ANKRD18A: variants seen among roughly 807,000 people sequenced by gnomAD.
ANKRD18A encodes the protein ankyrin repeat domain 18A.
Under a neutral mutation model 110.6 loss-of-function variants are expected in ANKRD18A, and 72 were observed. That is an observed-to-expected ratio of 0.65 (90% CI 0.54 to 0.79). ANKRD18A has a LOEUF of 0.79. Among genes scored for constraint, ANKRD18A ranks in the 30% least tolerant of loss-of-function variants. The probability of loss-of-function intolerance (pLI) is 0.00; values close to 1 mark genes in which losing one functional copy is unlikely to be tolerated. For missense variants in ANKRD18A, 934 were observed against 1,163.3 expected (o/e 0.80, Z 2.87); for synonymous variants, 305 against 410.3 (o/e 0.74, Z 3.10).
chr9:38,570,142 C>A (rs188623580), downstream of ANKRD18A, among the ~76,000 whole-genome samples: 1 of 152,092 alleles, frequency 6.6e-6, no homozygotes, highest in African/African-American at 2.4e-5. Context: ...GCCCCACTGA[C>A]CAAGTCCCCA....
chr9:38,597,332 T>C (rs1366102737), intron 8 of ANKRD18A, among the ~76,000 whole-genome samples: 3 of 152,174 alleles, frequency 2.0e-5, no homozygotes, highest in Non-Finnish European at 4.4e-5. Flanking sequence ...AAGGTGCTCA[T>C]TGAAATAGAG....
chr9:38,591,296 C>A (rs1328168648), intron 10 of ANKRD18A, among the ~76,000 whole-genome samples: 1 of 151,960 alleles, frequency 6.6e-6, no homozygotes, highest in East Asian at 1.9e-4. Context: ...GTTTGAGAGG[C>A]AGTTCTACAC....
At chr9:38,613,643 T>G (rs190593336) in intron 3 of ANKRD18A, among the ~76,000 whole-genome samples, 1 of 152,328 alleles carries the variant, frequency 6.6e-6, no homozygotes, top group African/African-American at 2.4e-5. Flanking sequence ...GAAACTAAAT[T>G]ATTAAAAGAA....
At chr9:38,586,669 A>G (rs1178409122) in intron 11 of ANKRD18A, among the ~76,000 whole-genome samples, 1 of 152,034 alleles carries the variant, frequency 6.6e-6, no homozygotes, top group Non-Finnish European at 1.5e-5. Flanking sequence ...GACTCAAGTG[A>G]TTCTCCTGCC....
chr9:38,590,648 T>C (rs1474283569), intron 10 of ANKRD18A, among the ~76,000 whole-genome samples: 1 of 152,210 alleles, frequency 6.6e-6, no homozygotes, highest in African/African-American at 2.4e-5. Context: ...CATAGAGATA[T>C]GGCATGATGA....
intron 5 of ANKRD18A, among the ~76,000 whole-genome samples, chr9:38,609,719 T>C (rs10909571): frequency 0.04 from 6,012 of 152,042 alleles, 410 homozygotes; most frequent in African/African-American, 0.14. Context: ...ATTGTCTTCC[T>C]TGGGCTTAGG....
In ANKRD18A at chr9:38,596,631, C is replaced by T. The variant is rs551937443; in HGVS notation, c.937-228G>A. Among the ~76,000 whole-genome samples, 15 of 152,236 alleles carry T rather than the reference C, an allele frequency of 9.9e-5. 1 individual carries two copies. The South Asian group carries it at 2.5e-3, about 25-fold the overall frequency. Reference sequence around the variant, plus strand: ...TGAATCCATAAAATACACACACACACACTCTAGAGAATTTTTAAGAATATC... The same window carrying T: ...TGAATCCATAAAATACACACACACATACTCTAGAGAATTTTTAAGAATATC... On this transcript the variant is annotated intron_variant, in intron 8 of 15. Transcript: ENST00000399703.
intron 7 of ANKRD18A, among the ~76,000 whole-genome samples, chr9:38,602,845 G>C (rs1825179616): frequency 6.6e-6 from 1 of 152,036 alleles, no homozygotes; most frequent in African/African-American, 2.4e-5. Flanking sequence ...TACAGTTTTT[G>C]AAAAAATAGT....
chr9:38,595,932 C>T lies in ANKRD18A; in HGVS notation c.1408G>A (p.Glu470Lys). 2.6e-6 allele frequency: 4 copies of T among 1,550,978 alleles called. No individual in the cohort carries two copies. The highest frequency in any genetic ancestry group is 3.5e-6 in the Non-Finnish European group (4 of 1,146,622). Residue 470 changes from glutamate to lysine, a missense_variant, in exon 9 of 16, where the codon GAG (glutamate) becomes AAG (lysine). Around this residue, in one of 4 missense-constraint regions of ANKRD18A, gnomAD observed 630 missense variants for 797.5 expected, o/e 0.79. Coordinates refer to ENST00000399703, the MANE Select transcript of ANKRD18A (RefSeq NM_147195.4). ...TTATGGACCTGTTCAGTAAGCAACT[C>T]ATTCTTATCTGTTAGTTGAGAAATA... The part of the protein sequence containing the change: ...SNISQLTDKN[E>K]LLTEQVHKAR...
rs1450101866 is a variant in ANKRD18A, at chr9:38,619,775, T to TA, written c.206+304dup. ...GGGTTTTATCTGAGAACTCTTCGCC[T>TA]ACTGAAAAAGGCTCATGGTATTTTT... is the stretch of plus-strand genomic sequence containing the variant. On this transcript the variant is annotated intron_variant, in intron 1 of 15. Coordinates refer to ENST00000399703, the MANE Select transcript of ANKRD18A (RefSeq NM_147195.4). Among the ~76,000 whole-genome samples, 8 of 152,198 alleles carry TA rather than the reference T, an allele frequency of 5.3e-5. No individual in the cohort carries two copies. In the East Asian group the frequency reaches 1.5e-3, roughly 29 times the overall value.
At chr9:38,610,644 T>G (rs1231460374) in intron 4 of ANKRD18A, among the ~76,000 whole-genome samples, 1 of 152,204 alleles carries the variant, frequency 6.6e-6, no homozygotes, top group East Asian at 1.9e-4. Context: ...CATTGGGACA[T>G]GACGTAATAC....
rs1049626090 is a variant in ANKRD18A at position 38,620,126 on chromosome 9, G to A, written c.160C>T (p.Leu54=). ...TCCAAGTCCCGGAACCTGCGCGTCAGGCAGCGCTCCACCTCCGCGGCGTCG... is the reference window on the plus strand; with the variant it reads ...TCCAAGTCCCGGAACCTGCGCGTCAAGCAGCGCTCCACCTCCGCGGCGTCG... ...KGDAAEVERC[L]TRRFRDLDAR... The change falls in exon 1 of 16, where the codon CTG becomes TTG. Residue 54 remains leucine, a synonymous_variant. Transcript: ENST00000399703. 6.7e-5 allele frequency: 105 copies of A among 1,568,054 alleles called. No individual in the cohort carries two copies. Among genetic ancestry groups the A allele is most frequent in the Non-Finnish European group, 8.8e-5 (102 of 1,156,522 alleles).
Position 38,577,986 on chromosome 9 carries a change from T to G in ANKRD18A, c.2410A>C (p.Asn804His). 6.4e-7 allele frequency: 1 copy of G among 1,568,232 alleles called. No individual in the cohort carries two copies. The highest frequency in any genetic ancestry group is 1.2e-5 in the South Asian group (1 of 86,262). The change falls in exon 13 of 16, where the codon AAT (asparagine) becomes CAT (histidine). Residue 804 changes from asparagine (N) to histidine (H), a missense_variant. Physicochemically the swap from Asn to His is moderately conservative, Grantham distance 68. Around this residue, in one of 4 missense-constraint regions of ANKRD18A, gnomAD observed 223 missense variants for 226.7 expected, o/e 0.98. Transcript: ENST00000399703. ...TCTTTTTCCATATGTGTCTTAAGAT[T>G]TAATACTTCTTCTTCCAACATCTTT... The part of the protein sequence containing the change: ...DKKMLEEEVL[N>H]LKTHMEKDMV...
chr9:38,615,436 T>C (rs1825808477), intron 3 of ANKRD18A, among the ~76,000 whole-genome samples, 158 bp downstream of exon 3: 2 of 152,254 alleles, frequency 1.3e-5, no homozygotes, highest in South Asian at 4.1e-4. Context: ...TGCCCTCTAA[T>C]GCTTCTTTAA....
At chr9:38,576,211 C>T (rs1823887741) in intron 14 of ANKRD18A, among the ~76,000 whole-genome samples, 1 of 152,116 alleles carries the variant, frequency 6.6e-6, no homozygotes, top group Non-Finnish European at 1.5e-5. Flanking sequence ...GTTTAGTAAA[C>T]CAGTTTCAGG....
intron 6 of ANKRD18A, among the ~76,000 whole-genome samples, chr9:38,605,536 T>A (rs1345659305): frequency 3.3e-5 from 5 of 152,210 alleles, no homozygotes; most frequent in Admixed American, 6.5e-5. Context: ...GAACCATTTT[T>A]ATAATTTTAT....
Position 38,620,360 on chromosome 9 carries a change from C to T in ANKRD18A, c.-75G>A. On this transcript the variant is annotated 5_prime_UTR_variant, in exon 1 of 16. Transcript: ENST00000399703. ...CCTCGTGGCCTTTCCACCCCCACTCCGCCCCAAATCCGCGATCTCCCCCGC... is the reference window on the plus strand; with the variant it reads ...CCTCGTGGCCTTTCCACCCCCACTCTGCCCCAAATCCGCGATCTCCCCCGC... The T allele has an allele frequency of 6.8e-7, 1 of 1,468,628 alleles. No individual in the cohort carries two copies. The highest frequency in any genetic ancestry group is 9.1e-7 in the Non-Finnish European group (1 of 1,102,646). 91.0% of individuals were successfully genotyped at this position (1,468,628 alleles called of 1,614,324 possible). A position where few individuals can be genotyped will look rare whatever the true frequency, so the allele number is the denominator to read the frequency against.
intron 8 of ANKRD18A, among the ~76,000 whole-genome samples, chr9:38,598,377 C>G (rs1563968240): frequency 6.6e-6 from 1 of 152,152 alleles, no homozygotes; most frequent in Non-Finnish European, 1.5e-5. Flanking sequence ...CCAGAACCGT[C>G]ATTTAGATAG....
At chr9:38,608,833 T>A (rs1825475861) in intron 5 of ANKRD18A, among the ~76,000 whole-genome samples, 1 of 151,650 alleles carries the variant, frequency 6.6e-6, no homozygotes, top group African/African-American at 2.4e-5. Flanking sequence ...TGGTCCCCAT[T>A]ACTCTATTGA....
Sources: allele counts gnomAD v4.1 joint callset (sites outside exome capture counted in the v4.1 genomes callset), GRCh38; gene constraint gnomAD v4.1.1; regional missense constraint gnomAD v4.1.1; transcripts MANE v1.5; gene names NCBI Gene and HGNC (gene_info 2026-07-23, HGNC 2026-07-21).